Variants in MED12L observed in about 807,000 individuals in gnomAD.
MED12L encodes mediator complex subunit 12L.
A neutral mutation model predicts 281.3 loss-of-function variants in MED12L; 60 were observed. That is an observed-to-expected ratio of 0.21 (90% CI 0.17 to 0.26). MED12L has a LOEUF of 0.26. Among genes scored for constraint, MED12L ranks in the 10% least tolerant of loss-of-function variants. MED12L has a pLI of 1.00. For synonymous variants in MED12L, 974 were observed against 987.2 expected, an observed-to-expected ratio of 0.99 and a Z score of 0.25; for missense variants, 2,146 against 2,680.9, an observed-to-expected ratio of 0.80 and a Z score of 4.41.
intron 38 of MED12L, among the ~76,000 whole-genome samples, chr3:151,392,763 C>A (rs1053582505): frequency 6.6e-6 from 1 of 151,994 alleles, no homozygotes; most frequent in African/African-American, 2.4e-5. Flanking sequence ...TTCAGAGTAG[C>A]ATTTGGTAGG....
At chr3:151,088,660 T>C (rs1719598268) in intron 2 of MED12L, among the ~76,000 whole-genome samples, 1 of 152,084 alleles carries the variant, frequency 6.6e-6, no homozygotes, top group Non-Finnish European at 1.5e-5. Flanking sequence ...AAAGAGTAAT[T>C]TTGGATTTCA....
rs371451667 is a variant in MED12L, at chr3:151,367,633, G to A, written c.3328-13G>A. ...TTGTTAGGTATTAAAACCTGTCAATGTTTTTCTTGAAGGTGAGTGACCTTT... is the reference window on the plus strand; with the variant it reads ...TTGTTAGGTATTAAAACCTGTCAATATTTTTCTTGAAGGTGAGTGACCTTT... On this transcript the variant is annotated splice_polypyrimidine_tract_variant and intron_variant, in intron 23 of 44. Coordinates refer to ENST00000687756, the MANE Select transcript of MED12L (RefSeq NM_001393769.1). The A allele has an allele frequency of 1.6e-5, 25 of 1,597,346 alleles. No homozygotes were observed. The African/African-American group carries it at 2.0e-4, about 13-fold the overall frequency.
chr3:151,334,196 C>CA (rs1750689705), intron 16 of MED12L, among the ~76,000 whole-genome samples: 1 of 118,230 alleles, frequency 8.5e-6, no homozygotes, highest in Non-Finnish European at 1.7e-5. Context: ...TTCTTTCTTT[C>CA]TTTTTTTTTT....
chr3:151,372,503 C>T (rs1203723768), intron 26 of MED12L, 64 bp from the exon 27 acceptor site: 2 of 1,175,980 alleles, frequency 1.7e-6, no homozygotes, highest in African/African-American at 3.0e-5. Flanking sequence ...TCCTCATTTG[C>T]TCCTCAATTA....
chr3:151,409,701 G>A (rs1323388911), intron 40 of MED12L, among the ~76,000 whole-genome samples: 1 of 152,124 alleles, frequency 6.6e-6, no homozygotes, highest in African/African-American at 2.4e-5. Flanking sequence ...GCTCATGCCT[G>A]TAATCTGCAC....
chr3:151,386,764 C>T (rs558381980), intron 36 of MED12L, among the ~76,000 whole-genome samples: 23 of 152,042 alleles, frequency 1.5e-4, no homozygotes, highest in South Asian at 8.3e-4. Context: ...TTAGTGGAGA[C>T]GGAGTTTCAC....
At chr3:151,141,178 G>GTTTTGT (rs1716903621) in intron 5 of MED12L, among the ~76,000 whole-genome samples, 1 of 102,190 alleles carries the variant, frequency 9.8e-6, no homozygotes, top group African/African-American at 4.3e-5. Flanking sequence ...TTTTTTTTTT[G>GTTTTGT]TTTTTTTTGT....
intron 2 of MED12L, among the ~76,000 whole-genome samples, chr3:151,099,517 AT>A (rs1721140231): frequency 6.6e-6 from 1 of 152,306 alleles, no homozygotes; most frequent in East Asian, 1.9e-4. Flanking sequence ...ATTATTTTAC[AT>A]TTTTGCATAT....
intron 38 of MED12L, among the ~76,000 whole-genome samples, chr3:151,392,467 GAAAA>G (rs200781609): frequency 3.4e-3 from 322 of 95,842 alleles, no homozygotes; most frequent in African/African-American, 0.015. Context: ...TCCATCTCAA[GAAAA>G]AAAAAAAAAA....
intron 16 of MED12L, among the ~76,000 whole-genome samples, chr3:151,217,411 G>A (rs1295873700): frequency 6.6e-6 from 1 of 152,188 alleles, no homozygotes; most frequent in Non-Finnish European, 1.5e-5. Context: ...ATGCCCTGGT[G>A]ATATACACCA....
At chr3:151,413,410 T>G in intron 42 of MED12L, 115 bp downstream of exon 42, 8 of 1,265,636 alleles carry the variant, frequency 6.3e-6, no homozygotes, top group South Asian at 1.6e-5. Flanking sequence ...CAAGGATCCC[T>G]GTGGATTTGA....
chr3:151,271,051 A>AT (rs924821557), intron 16 of MED12L, among the ~76,000 whole-genome samples: 9 of 151,740 alleles, frequency 5.9e-5, no homozygotes, highest in South Asian at 4.2e-4. Flanking sequence ...TAAAACTTTC[A>AT]TTTTTTTTGT....
chr3:151,255,446 A>G lies in MED12L; in HGVS notation c.2250+61780A>G, dbSNP rs548715520. On this transcript the variant is annotated intron_variant, in intron 16 of 44. Transcript: ENST00000687756. ...GTTAAATTGCTCAGCAGAAAAGGCC[A>G]GGGGGAGGGGGCTGGGGGTGCGGGC... 4.1e-3 allele frequency among the ~76,000 whole-genome samples: 575 copies of G among 138,788 alleles called. 3 individuals carry two copies. The highest frequency in any genetic ancestry group is 3.8e-3 in the Non-Finnish European group (247 of 64,732). The allele number at this position is 138,788 out of a possible 152,430, so 91.1% of individuals were successfully genotyped here. A position where few individuals can be genotyped will look rare whatever the true frequency, so the allele number is the denominator to read the frequency against.
intron 3 of MED12L, among the ~76,000 whole-genome samples, chr3:151,119,657 T>C (rs150062678): frequency 1.7e-3 from 253 of 152,320 alleles, no homozygotes; most frequent in Non-Finnish European, 2.4e-3. Context: ...GCTTTATGTC[T>C]CTTGATATGA....
At position 151,156,363 on chromosome 3, in the gene MED12L, A is replaced by G. The variant is rs1021418826; in HGVS notation, c.726+33A>G. The G allele has an allele frequency of 4.5e-6, 7 of 1,545,666 alleles. No individual in the cohort carries two copies. In the African/African-American group the frequency reaches 5.5e-5, roughly 12 times the overall value. ...TTTGAAGACATGCAGAGTTGTGTGC[A>G]ATGCTTTTAAGAAGACAGCAAATTC... On this transcript the variant is annotated intron_variant, in intron 6 of 44. Coordinates refer to ENST00000687756, the MANE Select transcript of MED12L (RefSeq NM_001393769.1).
At chr3:151,395,142 A>C (rs1187777347) in intron 39 of MED12L, among the ~76,000 whole-genome samples, 3 of 152,182 alleles carry the variant, frequency 2.0e-5, no homozygotes, top group Admixed American at 6.5e-5. Flanking sequence ...CAATTAGAAG[A>C]AGCAGGCCTT....
intron 11 of MED12L, among the ~76,000 whole-genome samples, chr3:151,168,367 ACT>A (rs1228052729): frequency 1.3e-5 from 2 of 152,190 alleles, no homozygotes. Flanking sequence ...TACTAAAAAA[ACT>A]CTTTGAGCTG....
Position 151,380,182 on chromosome 3 carries a change from A to C in MED12L, c.4548A>C (p.Gln1516His). The change falls in exon 32 of 45, where the codon CAA (glutamine) becomes CAC (histidine). Residue 1516 changes from glutamine (Q) to histidine (H), a missense_variant. Physicochemically the swap from Gln to His is conservative, Grantham distance 24. Around this residue, in one of 9 missense-constraint regions of MED12L, gnomAD observed 212 missense variants for 340.8 expected, o/e 0.62. Coordinates refer to ENST00000687756, the MANE Select transcript of MED12L (RefSeq NM_001393769.1). Reference protein sequence around the residue: ...VLTCLKGQDEQREGLLTSLQN... With the variant: ...VLTCLKGQDEHREGLLTSLQN... ...CCTGCCTTAAGGGACAAGATGAACA[A>C]AGGGAAGGCCTCCTAACATCTCTCC... The C allele has an allele frequency of 6.2e-7, 1 of 1,610,614 alleles. No homozygotes were observed. The highest frequency in any genetic ancestry group is 8.5e-7 in the Non-Finnish European group (1 of 1,178,824).
At chr3:151,088,329 A>AT (rs1397744700) in intron 2 of MED12L, among the ~76,000 whole-genome samples, 4 of 151,984 alleles carry the variant, frequency 2.6e-5, no homozygotes, top group African/African-American at 9.7e-5. Flanking sequence ...GATTTCCCAG[A>AT]TTTTTTTTCC....
Sources: allele counts gnomAD v4.1 joint callset (sites outside exome capture counted in the v4.1 genomes callset), GRCh38; gene constraint gnomAD v4.1.1; regional missense constraint gnomAD v4.1.1; transcripts MANE v1.5; gene names NCBI Gene and HGNC (gene_info 2026-07-23, HGNC 2026-07-21).